Variants in PDE3A observed in about 807,000 individuals in gnomAD.
PDE3A encodes the protein phosphodiesterase 3A, also known as cGMP-inhibited 3',5'-cyclic phosphodiesterase 3A.
In PDE3A, 43 loss-of-function variants were observed where a neutral mutation model predicts 98.3. The ratio of observed to expected loss-of-function variants is 0.44; its 90% CI spans 0.34 to 0.56. PDE3A has a LOEUF of 0.56. Among genes scored for constraint, PDE3A ranks in the 20% least tolerant of loss-of-function variants. The pLI is 0.01. For missense variants in PDE3A, 1,427 were observed against 1,440.7 expected (o/e 0.99, Z 0.15); for synonymous variants, 663 against 567.9 (o/e 1.17, Z -2.38).
chr12:20,568,714 C>T (rs78464148), intron 2 of PDE3A, among the ~76,000 whole-genome samples: 2,232 of 151,932 alleles, frequency 0.015, 54 homozygotes, highest in African/African-American at 0.052. Context: ...GATAGCTATA[C>T]GACTGCTTAG....
intron 1 of PDE3A, among the ~76,000 whole-genome samples, chr12:20,404,826 GTTTTTTTTT>G (rs60736941): frequency 1.1e-5 from 1 of 95,106 alleles, no homozygotes; most frequent in Non-Finnish European, 1.9e-5. Flanking sequence ...AGGTTACAGA[GTTTTTTTTT>G]TTTTTTTTTT....
intron 1 of PDE3A, among the ~76,000 whole-genome samples, chr12:20,432,950 A>G (rs7489324): frequency 0.043 from 6,568 of 152,222 alleles, 180 homozygotes; most frequent in South Asian, 0.062. Flanking sequence ...ATGGAAGTCT[A>G]GAAGGTCTTA....
intron 8 of PDE3A, 106 bp downstream of exon 8, chr12:20,635,162 T>C (rs1944473056): frequency 7.1e-6 from 7 of 991,518 alleles, no homozygotes; most frequent in Non-Finnish European, 1.0e-5. Context: ...GGCTCACACC[T>C]GTAATCCCAA....
chr12:20,577,904 C>G (rs898437471), intron 2 of PDE3A, among the ~76,000 whole-genome samples: 1 of 152,050 alleles, frequency 6.6e-6, no homozygotes, highest in Non-Finnish European at 1.5e-5. Context: ...TAGTAGTTTT[C>G]AAAAGATGGG....
intron 1 of PDE3A, among the ~76,000 whole-genome samples, chr12:20,456,201 C>G (rs535525161): frequency 6.6e-6 from 1 of 152,040 alleles, no homozygotes; most frequent in African/African-American, 2.4e-5. Flanking sequence ...GCATTTACTA[C>G]GTTTTCCTTT....
At chr12:20,551,786 T>A in intron 1 of PDE3A, 1 of 1,613,886 alleles carries the variant, frequency 6.2e-7, no homozygotes, top group South Asian at 1.1e-5. Flanking sequence ...AAGGCGAAGA[T>A]GGCCTCGGCC....
At chr12:20,370,364 A>C in intron 1 of PDE3A, 120 bp downstream of exon 1, 1 of 769,358 alleles carries the variant, frequency 1.3e-6, no homozygotes, top group Non-Finnish European at 1.8e-6. Context: ...AAACTGGTCT[A>C]ACTTCAGAAT....
At chr12:20,504,553 A>C (rs1456892540) in intron 1 of PDE3A, among the ~76,000 whole-genome samples, 1 of 152,114 alleles carries the variant, frequency 6.6e-6, no homozygotes, top group Non-Finnish European at 1.5e-5. Context: ...CAGAAGTCTG[A>C]CATGGACCAT....
intron 1 of PDE3A, among the ~76,000 whole-genome samples, chr12:20,473,509 T>C (rs7961678): frequency 0.02 from 3,083 of 152,242 alleles, 103 homozygotes; most frequent in African/African-American, 0.071. Context: ...CGATGCATTT[T>C]CCCGTTACTG....
chr12:20,372,087 G>A (rs886567699), intron 1 of PDE3A, among the ~76,000 whole-genome samples: 4 of 152,100 alleles, frequency 2.6e-5, no homozygotes, highest in Admixed American at 2.6e-4. Flanking sequence ...AGATAAGAAG[G>A]TGGTTAGGTA....
chr12:20,406,205 T>G (rs1944229974), intron 1 of PDE3A, among the ~76,000 whole-genome samples: 1 of 152,210 alleles, frequency 6.6e-6, no homozygotes, highest in South Asian at 2.1e-4. Flanking sequence ...GGAGGGCAGA[T>G]ATCTCTGTGA....
chr12:20,523,777 A>C (rs1370169609), intron 1 of PDE3A, among the ~76,000 whole-genome samples: 1 of 152,214 alleles, frequency 6.6e-6, no homozygotes, highest in African/African-American at 2.4e-5. Flanking sequence ...TAAAGTAAAA[A>C]ATGTTTTTAA....
intron 1 of PDE3A, among the ~76,000 whole-genome samples, chr12:20,430,195 A>T (rs182945170): frequency 1.6e-3 from 238 of 152,302 alleles, no homozygotes; most frequent in Non-Finnish European, 1.5e-3. Context: ...AACATGGTTT[A>T]AAAAAATTAA....
chr12:20,623,736 A>T (rs111301309), intron 5 of PDE3A, among the ~76,000 whole-genome samples: 4 of 142,960 alleles, frequency 2.8e-5, no homozygotes, highest in African/African-American at 7.8e-5. Flanking sequence ...TAGAAAGAAT[A>T]TATGATGGAT....
rs572483552 is a variant in PDE3A at position 20,476,259 on chromosome 12, C to A, written c.961-80401C>A. On this transcript the variant is annotated intron_variant, in intron 1 of 15. Transcript: ENST00000359062. ...TTACGAAGTTATTGACCTATAATGT[C>A]CTTAGACTGGGAAAAATCAATGCCT... is the stretch of plus-strand genomic sequence containing the variant. Among the ~76,000 whole-genome samples the A allele has an allele frequency of 4.6e-5, 7 of 152,158 alleles. No homozygotes were observed. In the South Asian group the frequency reaches 1.5e-3, roughly 32 times the overall value.
At chr12:20,497,889 G>A (rs1945949016) in intron 1 of PDE3A, among the ~76,000 whole-genome samples, 1 of 152,128 alleles carries the variant, frequency 6.6e-6, no homozygotes, top group African/African-American at 2.4e-5. Flanking sequence ...ATGTTCTGCT[G>A]CTGTGATGAC....
chr12:20,627,058 A>C (rs1450238843), intron 5 of PDE3A, among the ~76,000 whole-genome samples: 2 of 150,688 alleles, frequency 1.3e-5, no homozygotes, highest in Non-Finnish European at 2.9e-5. Context: ...TGAAAAAATC[A>C]CTCTTCTCAT....
intron 1 of PDE3A, among the ~76,000 whole-genome samples, chr12:20,513,951 C>T (rs1410384500): frequency 3.3e-5 from 5 of 152,162 alleles, no homozygotes; most frequent in African/African-American, 2.4e-5. Context: ...ATATAACACA[C>T]ATCTGGAACT....
chr12:20,528,670 A>G (rs1005432229), intron 1 of PDE3A, among the ~76,000 whole-genome samples: 1 of 152,206 alleles, frequency 6.6e-6, no homozygotes, highest in African/African-American at 2.4e-5. Flanking sequence ...GATTTTAATT[A>G]ACATCTGCCT....
Sources: gnomAD v4.1 joint callset for allele counts (sites outside exome capture counted in the v4.1 genomes callset) on GRCh38, gnomAD v4.1.1 for gene constraint, MANE v1.5 for transcripts, NCBI Gene and HGNC (gene_info 2026-07-23, HGNC 2026-07-21) for gene names.